Variants in FAM163A observed in about 807,000 individuals in gnomAD.
FAM163A encodes family with sequence similarity 163 member A.
Under a neutral mutation model 12.0 loss-of-function variants are expected in FAM163A, and 7 were observed. The ratio of observed to expected loss-of-function variants is 0.58; its 90% CI spans 0.33 to 1.10. The LOEUF (loss-of-function observed/expected upper bound fraction) is 1.10. Ranked by LOEUF, FAM163A falls within the 50% of genes least tolerant of loss-of-function variation. FAM163A has a pLI of 0.03. For synonymous variants in FAM163A, 101 were observed against 91.0 expected (o/e 1.11, Z -0.62); for missense variants, 202 against 218.6 (o/e 0.92, Z 0.48).
At chr1:179,798,989 T>C (rs1196500702) in intron 1 of FAM163A, among the ~76,000 whole-genome samples, 1 of 152,196 alleles carries the variant, frequency 6.6e-6, no homozygotes, top group Non-Finnish European at 1.5e-5. Context: ...TAGCTCCCTC[T>C]GGCCCTCTTG....
At chr1:179,732,646 A>T in the FAM163A span, among the ~76,000 whole-genome samples, 1 of 152,030 alleles carries the variant, frequency 6.6e-6, no homozygotes, top group Non-Finnish European at 1.5e-5. Context: ...CTTTAGGAGG[A>T]TGAGGCAGGT....
At chr1:179,752,889 G>A (rs942252434) in intron 1 of FAM163A, among the ~76,000 whole-genome samples, 2 of 152,014 alleles carry the variant, frequency 1.3e-5, no homozygotes, top group Non-Finnish European at 2.9e-5. Context: ...CAATATGGAG[G>A]TTTCTCAAAA....
intron 1 of FAM163A, among the ~76,000 whole-genome samples, chr1:179,772,803 C>T (rs1355142789): frequency 2.0e-5 from 3 of 151,864 alleles, no homozygotes; most frequent in Non-Finnish European, 4.4e-5. Flanking sequence ...TCTGTTTCAA[C>T]TCCTAGAACA....
intron 1 of FAM163A, among the ~76,000 whole-genome samples, chr1:179,805,449 C>T (rs904115011): frequency 6.6e-6 from 1 of 152,002 alleles, no homozygotes; most frequent in Non-Finnish European, 1.5e-5. Flanking sequence ...CAGCATTAAT[C>T]GCTTTAACCT....
At chr1:179,736,614 C>G in the FAM163A span, among the ~76,000 whole-genome samples, 1 of 152,000 alleles carries the variant, frequency 6.6e-6, no homozygotes, top group South Asian at 2.1e-4. Context: ...TCGAGACCAA[C>G]TTGGCCAAGA....
rs1379982755 is a variant in FAM163A, at chr1:179,764,548, T to C, written c.-136+21125T>C. Reference sequence around the variant, plus strand: ...TACCCTTCCATGGTAGATGAGGTATTGATAGGGTAATCAACTTGTCAAGGA... The same window carrying C: ...TACCCTTCCATGGTAGATGAGGTATCGATAGGGTAATCAACTTGTCAAGGA... On this transcript the variant is annotated intron_variant, in intron 1 of 4. Transcript: ENST00000341785. Among the ~76,000 whole-genome samples the C allele has an allele frequency of 2.6e-5, 4 of 152,208 alleles. No homozygotes were observed. In the East Asian group the frequency reaches 5.8e-4, roughly 22 times the overall value.
intron 1 of FAM163A, among the ~76,000 whole-genome samples, chr1:179,772,547 C>A (rs530882337): frequency 2.0e-5 from 3 of 152,204 alleles, no homozygotes; most frequent in Admixed American, 2.0e-4. Flanking sequence ...TGGGGCCCAG[C>A]AATCTGTTGG....
At chr1:179,792,759 A>G (rs1691703574) in intron 1 of FAM163A, among the ~76,000 whole-genome samples, 1 of 152,144 alleles carries the variant, frequency 6.6e-6, no homozygotes, top group Admixed American at 6.5e-5. Context: ...TCATTTCTTC[A>G]TTCATTCATT....
At chr1:179,755,499 G>T (rs1018866522) in intron 1 of FAM163A, among the ~76,000 whole-genome samples, 5 of 152,130 alleles carry the variant, frequency 3.3e-5, no homozygotes, top group Non-Finnish European at 5.9e-5. Flanking sequence ...TTGATGAAGG[G>T]GAAACAAATG....
At chr1:179,779,354 C>T (rs968931977) in intron 1 of FAM163A, among the ~76,000 whole-genome samples, 6 of 152,138 alleles carry the variant, frequency 3.9e-5, no homozygotes, top group African/African-American at 1.4e-4. Context: ...AAGCAGGCTG[C>T]AGCAGTCAGG....
chr1:179,744,474 G>A (rs1227281226), intron 1 of FAM163A, among the ~76,000 whole-genome samples: 1 of 152,166 alleles, frequency 6.6e-6, no homozygotes, highest in Non-Finnish European at 1.5e-5. Context: ...TGGGTGGGTG[G>A]CATCCTGGTT....
chr1:179,780,578 T>G (rs1189138737), intron 1 of FAM163A, among the ~76,000 whole-genome samples: 4 of 152,194 alleles, frequency 2.6e-5, no homozygotes, highest in Admixed American at 2.0e-4. Flanking sequence ...GGGAACTTGT[T>G]AGAAATGCAC....
At chr1:179,770,132 C>G (rs893604102) in intron 1 of FAM163A, among the ~76,000 whole-genome samples, 1 of 151,940 alleles carries the variant, frequency 6.6e-6, no homozygotes, top group African/African-American at 2.4e-5. Context: ...GTCTCAATCT[C>G]CTGACCTCGT....
At chr1:179,786,719 C>A (rs1690688928) in intron 1 of FAM163A, among the ~76,000 whole-genome samples, 1 of 152,220 alleles carries the variant, frequency 6.6e-6, no homozygotes, top group South Asian at 2.1e-4. Context: ...CTCAAAGTCT[C>A]AAGGAAAACC....
At chr1:179,812,631 G>T (rs769283908) in intron 3 of FAM163A, among the ~76,000 whole-genome samples, 2 of 152,158 alleles carry the variant, frequency 1.3e-5, no homozygotes, top group Non-Finnish European at 2.9e-5. Context: ...TCGCAGCCCC[G>T]TTCAGCATGC....
the FAM163A span, among the ~76,000 whole-genome samples, chr1:179,732,642 G>A: frequency 6.6e-6 from 1 of 152,096 alleles, no homozygotes; most frequent in Non-Finnish European, 1.5e-5. Flanking sequence ...AGCACTTTAG[G>A]AGGATGAGGC....
chr1:179,758,433 A>G (rs1309922944), intron 1 of FAM163A, among the ~76,000 whole-genome samples: 3 of 152,216 alleles, frequency 2.0e-5, no homozygotes, highest in Admixed American at 6.5e-5. Flanking sequence ...ACAGAAAGAA[A>G]AAAAGGGTGA....
At chr1:179,801,679 A>G (rs529566299) in intron 1 of FAM163A, among the ~76,000 whole-genome samples, 1 of 152,176 alleles carries the variant, frequency 6.6e-6, no homozygotes, top group Non-Finnish European at 1.5e-5. Context: ...GTTTAAACTC[A>G]AGTCTTGGAA....
intron 1 of FAM163A, among the ~76,000 whole-genome samples, chr1:179,745,426 C>G (rs1684334455): frequency 6.6e-6 from 1 of 152,178 alleles, no homozygotes; most frequent in South Asian, 2.1e-4. Flanking sequence ...CAGCTGGTAA[C>G]AGGGGAGCCT....
Sources: allele counts gnomAD v4.1 joint callset (sites outside exome capture counted in the v4.1 genomes callset), GRCh38; gene constraint gnomAD v4.1.1; transcripts MANE v1.5; gene names NCBI Gene and HGNC (gene_info 2026-07-23, HGNC 2026-07-21).